The following ARHGAP28 variants were observed in gnomAD, a reference collection of about 807,000 sequenced individuals.
ARHGAP28 encodes the protein Rho GTPase activating protein 28.
Under a neutral mutation model 90.7 loss-of-function variants are expected in ARHGAP28, and 56 were observed. That is an observed-to-expected ratio of 0.62 (90% CI 0.50 to 0.77). The LOEUF (loss-of-function observed/expected upper bound fraction) is 0.77. Among genes scored for constraint, ARHGAP28 ranks in the 30% least tolerant of loss-of-function variants. ARHGAP28 has a pLI of 0.00. For synonymous variants in ARHGAP28, 308 were observed against 323.3 expected (o/e 0.95, Z 0.51); for missense variants, 869 against 900.9 (o/e 0.96, Z 0.45).
intron 10 of ARHGAP28, among the ~76,000 whole-genome samples, chr18:6,876,704 G>A (rs970475278): frequency 1.3e-5 from 2 of 152,116 alleles, no homozygotes; most frequent in Non-Finnish European, 2.9e-5. Context: ...GCTCTTACAG[G>A]AATTTGTAGC....
At chr18:6,833,283 A>G (rs2056729140) in intron 2 of ARHGAP28, among the ~76,000 whole-genome samples, 1 of 151,998 alleles carries the variant, frequency 6.6e-6, no homozygotes, top group African/African-American at 2.4e-5. Flanking sequence ...ATCACAACAT[A>G]CTATTAAAAT....
chr18:6,795,649 A>G (rs1161644443), intron 1 of ARHGAP28, among the ~76,000 whole-genome samples: 1 of 152,172 alleles, frequency 6.6e-6, no homozygotes, highest in Non-Finnish European at 1.5e-5. Flanking sequence ...TGTTTCCAGA[A>G]ACACAGCCTA....
intron 1 of ARHGAP28, among the ~76,000 whole-genome samples, chr18:6,736,747 C>CAA (rs34584836): frequency 0.41 from 32,344 of 79,616 alleles, 5,100 homozygotes; most frequent in South Asian, 0.47. Flanking sequence ...AACTCCATTT[C>CAA]AAAAAAAAAA....
intron 2 of ARHGAP28, among the ~76,000 whole-genome samples, chr18:6,831,690 T>C (rs150724655): frequency 6.6e-5 from 10 of 152,168 alleles, no homozygotes; most frequent in Admixed American, 6.5e-4. Context: ...ATAGAGACAG[T>C]TTTCCTTTCT....
chr18:6,772,149 C>A (rs2056247934), intron 1 of ARHGAP28, among the ~76,000 whole-genome samples: 1 of 152,166 alleles, frequency 6.6e-6, no homozygotes, highest in Admixed American at 6.5e-5. Flanking sequence ...CAAAAAAGGA[C>A]TTTAGGTATA....
chr18:6,772,809 A>G (rs578150399), intron 1 of ARHGAP28, among the ~76,000 whole-genome samples: 2 of 151,890 alleles, frequency 1.3e-5, no homozygotes, highest in East Asian at 3.9e-4. Context: ...GTCTCGGCTC[A>G]CTGCAACATC....
intron 10 of ARHGAP28, 45 bp from the exon 11 acceptor site, chr18:6,882,092 G>A (rs552937839): frequency 1.9e-6 from 3 of 1,554,008 alleles, no homozygotes; most frequent in East Asian, 2.3e-5. Flanking sequence ...ATGGGGTCAG[G>A]TGGTAAAAGT....
intron 1 of ARHGAP28, among the ~76,000 whole-genome samples, chr18:6,805,327 T>C (rs2056510176): frequency 6.6e-6 from 1 of 152,190 alleles, no homozygotes; most frequent in Non-Finnish European, 1.5e-5. Context: ...CTTTTTGCTC[T>C]ATAATAAAAT....
intron 2 of ARHGAP28, among the ~76,000 whole-genome samples, chr18:6,826,163 G>A (rs2056661470): frequency 6.8e-6 from 1 of 147,004 alleles, no homozygotes; most frequent in Non-Finnish European, 1.5e-5. Flanking sequence ...TTTGATAGTA[G>A]CCATTCTGAC....
intron 3 of ARHGAP28, chr18:6,850,718 T>C: frequency 9.0e-7 from 1 of 1,111,226 alleles, no homozygotes; most frequent in Non-Finnish European, 1.2e-6. Context: ...TCAGTCTTTT[T>C]AGTTAGAACA....
intron 1 of ARHGAP28, among the ~76,000 whole-genome samples, chr18:6,797,959 C>T (rs369448287): frequency 2.0e-5 from 3 of 151,514 alleles, no homozygotes; most frequent in South Asian, 2.1e-4. Flanking sequence ...TGTGCCCAGC[C>T]GAAACACAAT....
At position 6,873,705 on chromosome 18, in the gene ARHGAP28, C is replaced by T. The variant is rs369240181; in HGVS notation, c.1142C>T (p.Pro381Leu). Residue 381 changes from proline (P) to leucine (L), a missense_variant, in exon 9 of 18, where the codon CCA becomes CTA. Physicochemically the swap from Pro to Leu is moderately conservative, Grantham distance 98 (BLOSUM62 -3). Transcript: ENST00000383472. Reference sequence around the variant, plus strand: ...GAAGACAATGGGATTTTTGGAGTTCCACTTACAGTCCTCCTGGACGGTGAC... The same window carrying T: ...GAAGACAATGGGATTTTTGGAGTTCTACTTACAGTCCTCCTGGACGGTGAC... The part of the protein sequence containing the change: ...KGRDNGIFGV[P>L]LTVLLDGDRK... 3 of 1,613,764 alleles carry T rather than the reference C, an allele frequency of 1.9e-6. No homozygotes were observed. Among genetic ancestry groups the T allele is most frequent in the East Asian group, 2.2e-5 (1 of 44,884 alleles).
At chr18:6,844,689 G>C (rs2056853139) in intron 3 of ARHGAP28, among the ~76,000 whole-genome samples, 2 of 152,028 alleles carry the variant, frequency 1.3e-5, no homozygotes. Flanking sequence ...TAAAGAGGAG[G>C]TATTATCAAT....
chr18:6,731,267 A>C (rs1158569881), intron 1 of ARHGAP28, among the ~76,000 whole-genome samples: 1 of 148,870 alleles, frequency 6.7e-6, no homozygotes, highest in Non-Finnish European at 1.5e-5. Context: ...ATTATGACTA[A>C]CTAAATAAAT....
intron 11 of ARHGAP28, among the ~76,000 whole-genome samples, chr18:6,886,355 A>C (rs1467752293): frequency 6.6e-6 from 1 of 152,090 alleles, no homozygotes. Flanking sequence ...TGTATTCTAA[A>C]TTTTCAGCAC....
chr18:6,797,102 T>G (rs1305742070), intron 1 of ARHGAP28, among the ~76,000 whole-genome samples: 1 of 152,220 alleles, frequency 6.6e-6, no homozygotes, highest in African/African-American at 2.4e-5. Flanking sequence ...TCCTTCCTGT[T>G]CTTGTCATCC....
chr18:6,760,254 A>T (rs8091679), intron 1 of ARHGAP28, among the ~76,000 whole-genome samples: 95,798 of 151,986 alleles, frequency 0.63, 31,235 homozygotes, highest in Middle Eastern at 0.72. Flanking sequence ...CCAAGTAAAA[A>T]AATTGTAAGT....
rs533552294 is a variant in ARHGAP28, at chr18:6,887,259, C to T, written c.1536+20C>T. Reference sequence around the variant, plus strand: ...GCTCAGGTACGTCGTGTCCACCTCACAGCTTGTCCTGGGGCTCTTATTGCT... The same window carrying T: ...GCTCAGGTACGTCGTGTCCACCTCATAGCTTGTCCTGGGGCTCTTATTGCT... On this transcript the variant is annotated intron_variant, in intron 12 of 17. Transcript: ENST00000383472. The T allele has an allele frequency of 6.2e-7, 1 of 1,610,470 alleles. No homozygotes were observed. Among genetic ancestry groups the T allele is most frequent in the East Asian group, 2.2e-5 (1 of 44,848 alleles).
chr18:6,911,005 C>T lies in ARHGAP28; in HGVS notation c.2096-1055C>T, dbSNP rs374331120. Among the ~76,000 whole-genome samples the T allele has an allele frequency of 3.3e-3, 500 of 151,956 alleles. 8 individuals are homozygous for T. The highest frequency in any genetic ancestry group is 0.011 in the African/African-American group (466 of 41,394). ...GATTACAGGCGCCCATCACCACGCCCGGCTAATTTTGCTAGAGATGGGGTT... is the reference window on the plus strand; with the variant it reads ...GATTACAGGCGCCCATCACCACGCCTGGCTAATTTTGCTAGAGATGGGGTT... On this transcript the variant is annotated intron_variant, in intron 17 of 17. Coordinates refer to ENST00000383472, the MANE Select transcript of ARHGAP28 (RefSeq NM_001366230.1).
Sources: gnomAD v4.1 joint callset for allele counts (sites outside exome capture counted in the v4.1 genomes callset) on GRCh38, gnomAD v4.1.1 for gene constraint, MANE v1.5 for transcripts, NCBI Gene and HGNC (gene_info 2026-07-23, HGNC 2026-07-21) for gene names.